Variants in SPPL2A observed in about 807,000 individuals in gnomAD.
SPPL2A encodes the protein signal peptide peptidase like 2A.
In SPPL2A, 51 loss-of-function variants were observed where a neutral mutation model predicts 63.8. That is an observed-to-expected ratio of 0.80 (90% CI 0.64 to 1.01). The LOEUF is 1.01. SPPL2A is among the 50% of genes least tolerant of loss of function. The pLI is 0.00. For synonymous variants in SPPL2A, 188 were observed against 205.8 expected (o/e 0.91, Z 0.74); for missense variants, 553 against 622.7 (o/e 0.89, Z 1.19).
chr15:50,753,763 G>C (rs2062929385), intron 1 of SPPL2A, among the ~76,000 whole-genome samples: 1 of 152,016 alleles, frequency 6.6e-6, no homozygotes, highest in East Asian at 1.9e-4. Flanking sequence ...TGGAGATAAG[G>C]GGTACAGCTA....
Position 50,739,741 on chromosome 15 carries a change from TACA to T in SPPL2A, c.669_671del (p.Val224del). 6.2e-7 allele frequency: 1 copy of T among 1,602,650 alleles called. No homozygotes were observed. The highest frequency in any genetic ancestry group is 1.1e-5 in the South Asian group (1 of 89,308). ...TAACACAGCAGATGACCACAAATAT[TACA>T]ACTGTAAGAGGACTAAAAGTTAAAT... On this transcript the variant is annotated inframe_deletion, in exon 6 of 15. Transcript: ENST00000261854.
At chr15:50,709,553 A>G (rs976323894) in intron 14 of SPPL2A, among the ~76,000 whole-genome samples, 2 of 152,168 alleles carry the variant, frequency 1.3e-5, no homozygotes, top group Admixed American at 1.3e-4. Context: ...GCACTTTGGG[A>G]GGCCGATGCA....
At chr15:50,753,434 TA>T (rs1477088626) in intron 1 of SPPL2A, among the ~76,000 whole-genome samples, 1 of 152,206 alleles carries the variant, frequency 6.6e-6, no homozygotes, top group Non-Finnish European at 1.5e-5. Flanking sequence ...TTCAGTTTAC[TA>T]CAATAGATAT....
At position 50,760,653 on chromosome 15, in the gene SPPL2A, C is replaced by T. The variant is rs576735305; in HGVS notation, c.66+4815G>A. 9.9e-5 allele frequency among the ~76,000 whole-genome samples: 15 copies of T among 152,064 alleles called. No individual in the cohort carries two copies. In the South Asian group the frequency reaches 1.5e-3, roughly 15 times the overall value. ...AATGATTTCCTGAAGGACCCATCTC[C>T]AAATATCAATACACTGGGGGTTATG... is the stretch of plus-strand genomic sequence containing the variant. On this transcript the variant is annotated intron_variant, in intron 1 of 14. Coordinates refer to ENST00000261854, the MANE Select transcript of SPPL2A (RefSeq NM_032802.4).
intron 14 of SPPL2A, among the ~76,000 whole-genome samples, chr15:50,712,682 T>TCCCC (rs1418811529): frequency 1.3e-4 from 16 of 120,240 alleles, no homozygotes; most frequent in African/African-American, 3.9e-4. Context: ...CCCCCCCCTT[T>TCCCC]TTTTTTTTTT....
chr15:50,719,866 A>T, intron 14 of SPPL2A, 74 bp downstream of exon 14: 1 of 1,100,028 alleles, frequency 9.1e-7, no homozygotes, highest in Non-Finnish European at 1.3e-6. Context: ...TGCTACATAT[A>T]GGCTGTTCCC....
At chr15:50,724,334 T>A (rs1434357530) in intron 12 of SPPL2A, among the ~76,000 whole-genome samples, 1 of 152,050 alleles carries the variant, frequency 6.6e-6, no homozygotes, top group Non-Finnish European at 1.5e-5. Context: ...CCCAGCACTT[T>A]GGGAGGCCGA....
chr15:50,762,382 AC>A (rs1482619401), intron 1 of SPPL2A, among the ~76,000 whole-genome samples: 34 of 150,230 alleles, frequency 2.3e-4, no homozygotes, highest in African/African-American at 6.9e-4. Context: ...AAAAAAAAAA[AC>A]AAAAACCCAA....
chr15:50,736,057 C>T, intron 8 of SPPL2A, 44 bp downstream of exon 8: 4 of 1,262,034 alleles, frequency 3.2e-6, no homozygotes, highest in Non-Finnish European at 4.6e-6. Context: ...AGATAGGAAA[C>T]AATTCATCCT....
chr15:50,754,131 G>GT (rs1425720760), intron 1 of SPPL2A, among the ~76,000 whole-genome samples: 2 of 152,276 alleles, frequency 1.3e-5, no homozygotes, highest in East Asian at 3.9e-4. Context: ...TTTTAAAGCA[G>GT]TTTTAGTTTT....
At chr15:50,759,255 C>T (rs1199097447) in intron 1 of SPPL2A, among the ~76,000 whole-genome samples, 4 of 151,924 alleles carry the variant, frequency 2.6e-5, no homozygotes, top group Non-Finnish European at 4.4e-5. Flanking sequence ...ACAAATTTAT[C>T]CTATCAGTCT....
chr15:50,711,206 C>CTTTTTTTTTTTTTTTTTTTTTTTTTT (rs1302695528), intron 14 of SPPL2A, among the ~76,000 whole-genome samples: 1 of 115,608 alleles, frequency 8.6e-6, no homozygotes, highest in African/African-American at 4.4e-5. Flanking sequence ...AATTAGTATC[C>CTTTTTTTTTTTTTTTTTTTTTTTTTT]TTTTTTTTTT....
intron 6 of SPPL2A, among the ~76,000 whole-genome samples, chr15:50,738,241 A>G (rs1035728198): frequency 3.9e-5 from 6 of 152,060 alleles, no homozygotes; most frequent in African/African-American, 1.2e-4. Flanking sequence ...TCACAGGACA[A>G]GAGAAACTGA....
At chr15:50,751,974 G>A (rs2062910707) in intron 1 of SPPL2A, among the ~76,000 whole-genome samples, 1 of 151,994 alleles carries the variant, frequency 6.6e-6, no homozygotes, top group Admixed American at 6.6e-5. Context: ...GGGATTATAG[G>A]TGCCTGCCAC....
chr15:50,733,052 A>T (rs1472709384), intron 8 of SPPL2A, among the ~76,000 whole-genome samples: 1 of 152,194 alleles, frequency 6.6e-6, no homozygotes, highest in Non-Finnish European at 1.5e-5. Flanking sequence ...AGAATAATGA[A>T]TATTATTACA....
intron 8 of SPPL2A, among the ~76,000 whole-genome samples, 199 bp from the exon 9 acceptor site, chr15:50,732,883 G>C (rs949822637): frequency 6.6e-6 from 1 of 151,670 alleles, no homozygotes; most frequent in Non-Finnish European, 1.5e-5. Flanking sequence ...TCACCTCCTG[G>C]GTTCAAGTGA....
chr15:50,726,234 G>C, intron 11 of SPPL2A, 87 bp downstream of exon 11: 1 of 1,468,174 alleles, frequency 6.8e-7, no homozygotes, highest in Non-Finnish European at 9.5e-7. Context: ...GCACTATGTG[G>C]CCAGTGAATT....
At chr15:50,752,756 C>A (rs1360359068) in intron 1 of SPPL2A, among the ~76,000 whole-genome samples, 1 of 151,428 alleles carries the variant, frequency 6.6e-6, no homozygotes, top group Non-Finnish European at 1.5e-5. Flanking sequence ...AAAAACAAGT[C>A]TTTGAGGACT....
At chr15:50,755,627 CAAAAAAAAAAA>C (rs148415568) in intron 1 of SPPL2A, among the ~76,000 whole-genome samples, 36 of 49,544 alleles carry the variant, frequency 7.3e-4, no homozygotes, top group African/African-American at 2.1e-3. Flanking sequence ...CACCCTGTCT[CAAAAAAAAAAA>C]AAAAAAAAAA....
Sources: allele counts gnomAD v4.1 joint callset (sites outside exome capture counted in the v4.1 genomes callset), GRCh38; gene constraint gnomAD v4.1.1; transcripts MANE v1.5; gene names NCBI Gene and HGNC (gene_info 2026-07-23, HGNC 2026-07-21).